TNFSF14: variants seen among roughly 807,000 people sequenced by gnomAD.
TNFSF14 encodes the protein tumor necrosis factor ligand superfamily member 14.
Under a neutral mutation model 22.7 loss-of-function variants are expected in TNFSF14, and 15 were observed. The ratio of observed to expected loss-of-function variants is 0.66; its 90% CI spans 0.44 to 1.02. The LOEUF (loss-of-function observed/expected upper bound fraction) is 1.02, where lower values mean the gene tolerates loss of function less well. Ranked by LOEUF, TNFSF14 falls within the 50% of genes least tolerant of loss-of-function variation. The probability of loss-of-function intolerance (pLI) is 0.00; values close to 1 mark genes in which losing one functional copy is unlikely to be tolerated. For synonymous variants in TNFSF14, 133 were observed against 139.6 expected (o/e 0.95, Z 0.33); for missense variants, 287 against 326.2 (o/e 0.88, Z 0.93).
intron 1 of TNFSF14, 70 bp downstream of exon 1, chr19:6,669,781 C>T: frequency 2.5e-6 from 4 of 1,571,608 alleles, no homozygotes; most frequent in East Asian, 2.2e-5. Context: ...CACAGACACA[C>T]AGTGACCCAC....
chr19:6,668,520 A>C (rs1311788280), intron 1 of TNFSF14, among the ~76,000 whole-genome samples: 1 of 152,144 alleles, frequency 6.6e-6, no homozygotes, highest in Non-Finnish European at 1.5e-5. Flanking sequence ...AGTCTGGCCA[A>C]CATGGTGAAA....
intron 1 of TNFSF14, 78 bp downstream of exon 1, chr19:6,669,773 C>G (rs909885442): frequency 3.6e-5 from 54 of 1,508,450 alleles, no homozygotes; most frequent in Non-Finnish European, 4.7e-5. Context: ...CACACACACA[C>G]AGACACACAG....
intron 3 of TNFSF14, 122 bp from the exon 4 acceptor site, chr19:6,665,472 G>A: frequency 9.0e-7 from 1 of 1,112,194 alleles, no homozygotes; most frequent in Admixed American, 2.9e-5. Context: ...GTGGTGGCAT[G>A]ATCTCGGCTT....
rs1917561863 is a variant in TNFSF14 at position 6,670,113 on chromosome 19, A to G, written c.-44T>C. The G allele has an allele frequency of 1.9e-6, 3 of 1,600,942 alleles. No individual in the cohort carries two copies. The highest frequency in any genetic ancestry group is 2.6e-6 in the Non-Finnish European group (3 of 1,169,400). The stretch of plus-strand genomic sequence containing the variant: ...AGGGCTGACACGCCTGGGTCCTTCA[A>G]CCTCAGAGGAAACCGAAATTGCTCA... On this transcript the variant is annotated 5_prime_UTR_variant, in exon 1 of 4. Transcript: ENST00000675206.
Position 6,665,204 on chromosome 19 carries a change from G to A in TNFSF14, c.445C>T (p.Leu149=). The change falls in exon 4 of 4, where the codon CTG becomes TTG. Residue 149 remains leucine, a synonymous_variant. Coordinates refer to ENST00000675206, the MANE Select transcript of TNFSF14 (RefSeq NM_001376887.1). ...GYYYIYSKVQ[L]GGVGCPLGLA... Reference sequence around the variant, plus strand: ...CCCAGCGGGCAGCCCACACCGCCCAGCTGCACCTTGGAGTAGATGTAGTAG... The same window carrying A: ...CCCAGCGGGCAGCCCACACCGCCCAACTGCACCTTGGAGTAGATGTAGTAG... The A allele has an allele frequency of 1.2e-6, 2 of 1,614,176 alleles. No individual in the cohort carries two copies. The highest frequency in any genetic ancestry group is 1.7e-6 in the Non-Finnish European group (2 of 1,180,040).
chr19:6,661,845 A>T lies in TNFSF14; in HGVS notation c.*3081T>A, dbSNP rs1277357349. On this transcript the variant is annotated 3_prime_UTR_variant, in exon 4 of 4. Transcript: ENST00000675206. ...CCTATTCAACACAGAAGTACCTAAC[A>T]GTAAAAGATGAGAGATACCTATCTG... 7 of 152,348 alleles carry T rather than the reference A, an allele frequency of 4.6e-5. No individual in the cohort carries two copies. Among genetic ancestry groups the T allele is most frequent in the East Asian group, 3.9e-4 (2 of 5,190 alleles). The allele number at this position is 152,348 out of a possible 1,614,324, so 9.4% of individuals were successfully genotyped here.
intron 1 of TNFSF14, among the ~76,000 whole-genome samples, chr19:6,669,011 C>G (rs1917512271): frequency 6.6e-6 from 1 of 152,340 alleles, no homozygotes; most frequent in East Asian, 1.9e-4. Context: ...GCCACCGGAT[C>G]CAGACCCAGG....
Position 6,663,250 on chromosome 19 carries a change from C to T in TNFSF14, c.*1676G>A, listed in dbSNP as rs755580746. On this transcript the variant is annotated 3_prime_UTR_variant, in exon 4 of 4. Transcript: ENST00000675206. ...GTGTTAGTCTGGGCTGGGGAGGGCC[C>T]TCAGGCTGTGTGTATATGTGTGTAA... 2 of 152,146 alleles carry T rather than the reference C, an allele frequency of 1.3e-5. No homozygotes were observed. The highest frequency in any genetic ancestry group is 2.9e-5 in the Non-Finnish European group (2 of 68,052). The allele number at this position is 152,146 out of a possible 1,614,324, so 9.4% of individuals were successfully genotyped here.
intron 2 of TNFSF14, 84 bp downstream of exon 2, chr19:6,667,329 A>G: frequency 6.8e-7 from 1 of 1,480,942 alleles, no homozygotes. Flanking sequence ...CAGTTGTGCA[A>G]ATCATATTGG....
At chr19:6,666,136 T>A (rs886968437) in intron 3 of TNFSF14, among the ~76,000 whole-genome samples, 2 of 152,038 alleles carry the variant, frequency 1.3e-5, no homozygotes, top group Admixed American at 1.3e-4. Context: ...CTCACCCCTA[T>A]AATCCCAGCA....
At chr19:6,668,026 T>G (rs2101765) in intron 1 of TNFSF14, among the ~76,000 whole-genome samples, 29,813 of 151,236 alleles carry the variant, frequency 0.2, 3,825 homozygotes, top group East Asian at 0.49. Flanking sequence ...CAGAGTGAGA[T>G]TCTATCTCAA....
intron 3 of TNFSF14, among the ~76,000 whole-genome samples, chr19:6,666,457 C>G (rs1347722601): frequency 1.3e-5 from 2 of 151,418 alleles, no homozygotes; most frequent in African/African-American, 4.9e-5. Flanking sequence ...ACCAAAGCGG[C>G]ACCTCGTACT....
At chr19:6,666,895 CAA>C (rs1917443698) in intron 3 of TNFSF14, among the ~76,000 whole-genome samples, 2 of 122,458 alleles carry the variant, frequency 1.6e-5, no homozygotes, top group Non-Finnish European at 3.6e-5. Flanking sequence ...GAGACTGTCT[CAA>C]AAATAAATAA....
chr19:6,670,308 C>T, upstream of TNFSF14: 5 of 1,355,086 alleles, frequency 3.7e-6, no homozygotes, highest in Non-Finnish European at 4.8e-6. Flanking sequence ...TTTCCAGAGG[C>T]TTCTGAAAAT....
chr19:6,666,218 A>G (rs1917421458), intron 3 of TNFSF14, among the ~76,000 whole-genome samples: 2 of 151,778 alleles, frequency 1.3e-5, no homozygotes, highest in Non-Finnish European at 2.9e-5. Context: ...ATGAAGTAAC[A>G]TAGGGAGACC....
intron 2 of TNFSF14, 96 bp from the exon 3 acceptor site, chr19:6,667,250 C>T: frequency 6.9e-7 from 1 of 1,450,210 alleles, no homozygotes; most frequent in Non-Finnish European, 9.2e-7. Context: ...GAATCAACCC[C>T]ACCCCTTCCG....
chr19:6,665,713 A>G (rs1380757960), intron 3 of TNFSF14, among the ~76,000 whole-genome samples: 1 of 151,372 alleles, frequency 6.6e-6, no homozygotes, highest in East Asian at 1.9e-4. Context: ...CCGGCCTCAC[A>G]TGTCTTACTC....
chr19:6,666,812 C>T (rs962489182), intron 3 of TNFSF14, among the ~76,000 whole-genome samples: 3 of 152,008 alleles, frequency 2.0e-5, no homozygotes, highest in Non-Finnish European at 2.9e-5. Flanking sequence ...GCAGAAGAAT[C>T]GCTTGAACCC....
Position 6,665,107 on chromosome 19 carries a change from A to G in TNFSF14, c.542T>C (p.Val181Ala), listed in dbSNP as rs764365254. The G allele has an allele frequency of 2.5e-6, 4 of 1,614,018 alleles. No individual in the cohort carries two copies. In the South Asian group the frequency reaches 3.3e-5, roughly 13 times the overall value. Residue 181 changes from valine (V) to alanine (A), a missense_variant, in exon 4 of 4, where the codon GTC (valine) becomes GCC (alanine). By Grantham distance (64) the Val-to-Ala change is moderately conservative. Transcript: ENST00000675206. ...CCGTCCGCAGGGTGACTGCTGGCTG[A>G]CCAACAGCTCCAGCTCCTCGGGGTA... ...PRYPEELELL[V>A]SQQSPCGRAT...
Sources: gnomAD v4.1 joint callset for allele counts (sites outside exome capture counted in the v4.1 genomes callset) on GRCh38, gnomAD v4.1.1 for gene constraint, MANE v1.5 for transcripts, NCBI Gene and HGNC (gene_info 2026-07-23, HGNC 2026-07-21) for gene names.